Variants in DYDC2 observed in about 807,000 individuals in gnomAD.
DYDC2 encodes the protein DPY30 domain containing 2.
DYDC2 carries 19 observed loss-of-function variants against 18.7 expected under a neutral mutation model. That is an observed-to-expected ratio of 1.02 (90% confidence interval 0.71 to 1.49). DYDC2 has a LOEUF of 1.49. Ranked by LOEUF, DYDC2 falls within the 40% of genes most tolerant of loss-of-function variation. The pLI is 0.00. For synonymous variants in DYDC2, 63 were observed against 67.6 expected (o/e 0.93, Z 0.34); for missense variants, 179 against 205.1 (o/e 0.87, Z 0.78).
At chr10:80,362,826 T>A (rs1482179868) in intron 3 of DYDC2, 125 bp from the exon 4 acceptor site, 1 of 1,349,316 alleles carries the variant, frequency 7.4e-7, no homozygotes, top group Non-Finnish European at 1.0e-6. Context: ...AGGCTAAAGC[T>A]AGTTACAAGA....
At chr10:80,345,188 T>G (rs1411894150) in intron 1 of DYDC2, among the ~76,000 whole-genome samples, 1 of 152,226 alleles carries the variant, frequency 6.6e-6, no homozygotes, top group Admixed American at 6.5e-5. Flanking sequence ...TCTTGTAAAC[T>G]GGACCATCAA....
chr10:80,352,324 T>C (rs1214635768), upstream of DYDC2: 1 of 1,275,934 alleles, frequency 7.8e-7, no homozygotes, highest in Non-Finnish European at 1.0e-6. Context: ...CTGCTTTTCA[T>C]GTTGTTCAAG....
At chr10:80,346,444 C>CTTTTTTTTTTTTTTTTTTTTTTTTTT (rs1032729095) in intron 1 of DYDC2, among the ~76,000 whole-genome samples, 8 of 83,358 alleles carry the variant, frequency 9.6e-5, no homozygotes, top group African/African-American at 3.0e-4. Context: ...TCTTCCCTTT[C>CTTTTTTTTTTTTTTTTTTTTTTTTTT]TTTTTTTTTT....
At position 80,362,944 on chromosome 10, in the gene DYDC2, ACC is replaced by A. The variant is rs759532681; in HGVS notation, c.148-4_148-3del. 5 of 1,610,746 alleles carry A rather than the reference ACC, an allele frequency of 3.1e-6. No homozygotes were observed. In the African/African-American group the frequency reaches 5.3e-5, roughly 17 times the overall value. On this transcript the variant is annotated splice_polypyrimidine_tract_variant and splice_region_variant and intron_variant, in intron 3 of 4. Coordinates refer to ENST00000256039, the MANE Select transcript of DYDC2 (RefSeq NM_032372.6). ...TGACCTGATTTGACTCTGTCACCTC[ACC>A]CCAGAATAGGGAAAAGAAGATCCAC... is the stretch of plus-strand genomic sequence containing the variant.
chr10:80,353,251 T>A (rs1040522922), upstream of DYDC2, among the ~76,000 whole-genome samples: 21 of 151,986 alleles, frequency 1.4e-4, no homozygotes, highest in African/African-American at 4.1e-4. Flanking sequence ...AATTTTCTTT[T>A]CAAGTTCACC....
At chr10:80,366,061 C>G (rs1246556306) in intron 4 of DYDC2, among the ~76,000 whole-genome samples, 1 of 104,212 alleles carries the variant, frequency 9.6e-6, no homozygotes, top group East Asian at 3.5e-4. Flanking sequence ...GAGACGGAGT[C>G]TCACTTTGTC....
chr10:80,363,818 T>G (rs1238983786), intron 4 of DYDC2, among the ~76,000 whole-genome samples: 1 of 152,234 alleles, frequency 6.6e-6, no homozygotes, highest in Non-Finnish European at 1.5e-5. Flanking sequence ...TTTATTATAT[T>G]CTATTTACTT....
At chr10:80,364,314 C>T (rs7077854) in intron 4 of DYDC2, among the ~76,000 whole-genome samples, 114,860 of 152,164 alleles carry the variant, frequency 0.75, 44,236 homozygotes, top group East Asian at 0.97. Context: ...AGGAACTCTC[C>T]CTCAGGAAGA....
At chr10:80,352,523 CT>C (rs1481346284), upstream of DYDC2, 2 of 1,613,548 alleles carry the variant, frequency 1.2e-6, no homozygotes, top group Non-Finnish European at 1.7e-6. Flanking sequence ...ATCGGATCCA[CT>C]GGGCGAACTC....
chr10:80,348,272 G>A (rs1171048394), intron 1 of DYDC2, among the ~76,000 whole-genome samples: 2 of 152,064 alleles, frequency 1.3e-5, no homozygotes, highest in African/African-American at 2.4e-5. Context: ...TGGTAAACAG[G>A]ATTTAAATTT....
chr10:80,348,707 A>G (rs1413682276), intron 1 of DYDC2, among the ~76,000 whole-genome samples: 1 of 152,230 alleles, frequency 6.6e-6, no homozygotes, highest in Non-Finnish European at 1.5e-5. Context: ...TATTCTACAA[A>G]GTAATGCATG....
chr10:80,356,125 G>A (rs992901884), upstream of DYDC2: 2 of 517,506 alleles, frequency 3.9e-6, no homozygotes, highest in African/African-American at 4.2e-5. Context: ...GGGAGGCTCT[G>A]TCTCGGATTT....
rs1393335448 is a variant in DYDC2 at position 80,366,780 on chromosome 10, C to T, written c.363C>T (p.Phe121=). The change falls in exon 5 of 5, where the codon TTC becomes TTT. Residue 121 remains phenylalanine (F), a synonymous_variant. Coordinates refer to ENST00000256039, the MANE Select transcript of DYDC2 (RefSeq NM_032372.6). ...AGAAGGAGGCCTTGAAGCAGGAATT[C>T]CTGCCAGGTACTTCCAGTCTGATTC... is the stretch of plus-strand genomic sequence containing the variant. The part of the protein sequence containing the change: ...PLEKEALKQE[F]LPGTSSLIPG... 6.2e-7 allele frequency: 1 copy of T among 1,614,168 alleles called. No homozygotes were observed. Among genetic ancestry groups the T allele is most frequent in the East Asian group, 2.2e-5 (1 of 44,886 alleles).
At chr10:80,356,345 T>A (rs1843366411), upstream of DYDC2, 1 of 985,494 alleles carries the variant, frequency 1.0e-6, no homozygotes, top group South Asian at 4.7e-5. Flanking sequence ...TGGAAGGAGA[T>A]TCCTTACCCA....
At chr10:80,344,797 TC>T in exon 1 of DYDC2, 1 of 288,122 alleles carries the variant, frequency 3.5e-6, no homozygotes, top group Non-Finnish European at 6.7e-6. Context: ...TTCTGAGACC[TC>T]CCCAGCAATG....
intron 2 of DYDC2, among the ~76,000 whole-genome samples, chr10:80,359,316 T>C (rs569342303): frequency 6.6e-6 from 1 of 152,292 alleles, no homozygotes; most frequent in Admixed American, 6.5e-5. Context: ...GGGGTGCTGA[T>C]TGGTACATTT....
intron 1 of DYDC2, among the ~76,000 whole-genome samples, chr10:80,347,283 T>C (rs1842717526): frequency 1.1e-4 from 4 of 36,322 alleles, no homozygotes; most frequent in Admixed American, 2.9e-4. Flanking sequence ...ATCCTTTTTT[T>C]TTTTTTTTTT....
At chr10:80,354,430 G>A (rs553501206), upstream of DYDC2, 1 of 147,096 alleles carries the variant, frequency 6.8e-6, no homozygotes, top group African/African-American at 2.5e-5. Context: ...AGGTTGCAGT[G>A]AGCTGAGATT....
chr10:80,357,974 G>A lies in DYDC2; in HGVS notation c.-81G>A, dbSNP rs1012363914. 2.4e-5 allele frequency: 24 copies of A among 985,346 alleles called. No individual in the cohort carries two copies. The highest frequency in any genetic ancestry group is 2.9e-5 in the Non-Finnish European group (24 of 829,974). The allele number at this position is 985,346 out of a possible 1,614,324, so 61.0% of individuals were successfully genotyped here. A position where few individuals can be genotyped will look rare whatever the true frequency, so the allele number is the denominator to read the frequency against. On this transcript the variant is annotated 5_prime_UTR_variant, in exon 2 of 5. Coordinates refer to ENST00000256039, the MANE Select transcript of DYDC2 (RefSeq NM_032372.6). The stretch of plus-strand genomic sequence containing the variant: ...TTATCACCTTGCCTACTGAGTGCAA[G>A]TCCAGGAACTGTGTAAGCAGACCCT...
Sources: gnomAD v4.1 joint callset for allele counts (sites outside exome capture counted in the v4.1 genomes callset) on GRCh38, gnomAD v4.1.1 for gene constraint, MANE v1.5 for transcripts, NCBI Gene and HGNC (gene_info 2026-07-23, HGNC 2026-07-21) for gene names.